The following KATNBL1 variants were observed in gnomAD, a reference collection of about 807,000 sequenced individuals.
KATNBL1 encodes the protein KATNB1-like protein 1.
A neutral mutation model predicts 44.7 loss-of-function variants in KATNBL1; 28 were observed. That is an observed-to-expected ratio of 0.63 (90% CI 0.46 to 0.86). The LOEUF (loss-of-function observed/expected upper bound fraction) is 0.86. KATNBL1 is among the 40% of genes least tolerant of loss of function. KATNBL1 has a pLI of 0.00. For missense variants in KATNBL1, 272 were observed against 350.7 expected (o/e 0.78, Z 1.79); for synonymous variants, 78 against 114.9 (o/e 0.68, Z 2.06).
At chr15:34,202,312 C>G (rs556284644) in intron 1 of KATNBL1, among the ~76,000 whole-genome samples, 4 of 152,280 alleles carry the variant, frequency 2.6e-5, no homozygotes, top group South Asian at 4.1e-4. Flanking sequence ...TGTCACCACC[C>G]TACGACACTT....
At position 34,142,213 on chromosome 15, in the gene KATNBL1, TAA is replaced by T; in HGVS notation, c.*124_*125del. ...TTAGTGGTTTCATTACGTGGCTTTT[TAA>T]AAGAAAAAATAGTTTTGATTTCTTC... On this transcript the variant is annotated 3_prime_UTR_variant, in exon 10 of 10. Coordinates refer to ENST00000256544, the MANE Select transcript of KATNBL1 (RefSeq NM_024713.3). 1 of 1,015,188 alleles carries T rather than the reference TAA, an allele frequency of 9.9e-7. No individual in the cohort carries two copies. The highest frequency in any genetic ancestry group is 1.3e-6 in the Non-Finnish European group (1 of 750,766). 62.9% of individuals were successfully genotyped at this position (1,015,188 alleles called of 1,614,324 possible).
At chr15:34,189,627 T>C (rs1489853400) in intron 1 of KATNBL1, among the ~76,000 whole-genome samples, 2 of 152,178 alleles carry the variant, frequency 1.3e-5, no homozygotes, top group African/African-American at 2.4e-5. Flanking sequence ...AAAACAAAAA[T>C]GTTTACTCTT....
chr15:34,190,183 A>T (rs1889833880), intron 1 of KATNBL1, among the ~76,000 whole-genome samples: 1 of 152,128 alleles, frequency 6.6e-6, no homozygotes, highest in Non-Finnish European at 1.5e-5. Flanking sequence ...TGACCTCGTG[A>T]TCCCCCAGCC....
intron 1 of KATNBL1, among the ~76,000 whole-genome samples, chr15:34,165,382 T>C (rs1332882952): frequency 2.6e-5 from 4 of 152,202 alleles, no homozygotes; most frequent in Non-Finnish European, 5.9e-5. Context: ...CAATTACCTC[T>C]ACCCTTCCTT....
chr15:34,142,228 TTTTGA>T lies in KATNBL1; in HGVS notation c.*106_*110del. On this transcript the variant is annotated 3_prime_UTR_variant, in exon 10 of 10. Coordinates refer to ENST00000256544, the MANE Select transcript of KATNBL1 (RefSeq NM_024713.3). ...CGTGGCTTTTTAAAAGAAAAAATAG[TTTTGA>T]TTTCTTCCACAGTTCACAGTTCTCA... 1 of 1,110,778 alleles carries T rather than the reference TTTTGA, an allele frequency of 9.0e-7. No individual in the cohort carries two copies. Among genetic ancestry groups the T allele is most frequent in the East Asian group, 2.9e-5 (1 of 34,798 alleles). The allele number at this position is 1,110,778 out of a possible 1,614,324, so 68.8% of individuals were successfully genotyped here. A position where few individuals can be genotyped will look rare whatever the true frequency, so the allele number is the denominator to read the frequency against.
chr15:34,163,467 T>C, intron 2 of KATNBL1, 93 bp downstream of exon 2: 1 of 1,396,782 alleles, frequency 7.2e-7, no homozygotes, highest in Non-Finnish European at 9.7e-7. Context: ...GCAGAATTAT[T>C]ATCCTCCCAT....
At chr15:34,189,228 T>C (rs1490108464) in intron 1 of KATNBL1, among the ~76,000 whole-genome samples, 1 of 152,218 alleles carries the variant, frequency 6.6e-6, no homozygotes, top group African/African-American at 2.4e-5. Context: ...TTTGCCATGC[T>C]GGCCAGGCTG....
intron 1 of KATNBL1, among the ~76,000 whole-genome samples, chr15:34,205,967 G>C (rs76199293): frequency 0.026 from 3,910 of 152,124 alleles, 176 homozygotes; most frequent in African/African-American, 0.09. Flanking sequence ...AGATGTAAAA[G>C]ACTATCCAGA....
chr15:34,152,835 T>C lies in KATNBL1; in HGVS notation c.393A>G (p.Ser131=). ...ATTTTGATGATGGGCTTTCTGTCTG[T>C]GAAGAACCAGAATCACTGGAGTTAA... The part of the protein sequence containing the change: ...YLVNSSDSGS[S]QTESPSSKYS... Residue 131 remains serine (S), a synonymous_variant, in exon 4 of 10, where the codon TCA becomes TCG. Coordinates refer to ENST00000256544, the MANE Select transcript of KATNBL1 (RefSeq NM_024713.3). 6.2e-7 allele frequency: 1 copy of C among 1,613,780 alleles called. No individual in the cohort carries two copies. The highest frequency in any genetic ancestry group is 8.5e-7 in the Non-Finnish European group (1 of 1,179,766).
chr15:34,180,534 T>G (rs1024393902), intron 1 of KATNBL1, among the ~76,000 whole-genome samples: 2 of 152,236 alleles, frequency 1.3e-5, no homozygotes, highest in Admixed American at 6.5e-5. Context: ...TATGCTTTCA[T>G]GGCTTCAGTT....
intron 2 of KATNBL1, among the ~76,000 whole-genome samples, chr15:34,162,331 C>G (rs1298873210): frequency 2.0e-5 from 3 of 152,068 alleles, no homozygotes; most frequent in African/African-American, 7.2e-5. Context: ...AGGGGAAACC[C>G]CTTTCAATTG....
intron 1 of KATNBL1, among the ~76,000 whole-genome samples, chr15:34,166,883 G>A (rs976151074): frequency 2.0e-5 from 3 of 152,188 alleles, no homozygotes; most frequent in African/African-American, 7.2e-5. Flanking sequence ...CTAACAAACA[G>A]AAAGGAATAG....
At chr15:34,166,987 G>A (rs1337552130) in intron 1 of KATNBL1, among the ~76,000 whole-genome samples, 1 of 152,188 alleles carries the variant, frequency 6.6e-6, no homozygotes, top group African/African-American at 2.4e-5. Flanking sequence ...CAAAGATGGG[G>A]AGAAACCAGA....
chr15:34,168,487 A>G (rs1458009190), intron 1 of KATNBL1, among the ~76,000 whole-genome samples: 1 of 152,098 alleles, frequency 6.6e-6, no homozygotes, highest in Non-Finnish European at 1.5e-5. Flanking sequence ...CACAATAACA[A>G]TGGGAAACTT....
chr15:34,197,600 G>GA (rs2140996326), intron 1 of KATNBL1, among the ~76,000 whole-genome samples: 2 of 152,286 alleles, frequency 1.3e-5, no homozygotes, highest in Admixed American at 1.3e-4. Flanking sequence ...AGAAAAGAAT[G>GA]AAAGGATAAG....
chr15:34,148,248 C>T (rs1888367208), intron 5 of KATNBL1: 1 of 153,322 alleles, frequency 6.5e-6, no homozygotes, highest in South Asian at 2.0e-4. Flanking sequence ...TTTGTTCAAT[C>T]TGATAAAACA....
intron 1 of KATNBL1, among the ~76,000 whole-genome samples, chr15:34,179,878 G>A (rs1293270733): frequency 1.3e-5 from 2 of 152,120 alleles, no homozygotes; most frequent in Admixed American, 1.3e-4. Flanking sequence ...AACTTAATGA[G>A]ATCACTATCT....
intron 1 of KATNBL1, among the ~76,000 whole-genome samples, chr15:34,200,321 C>T (rs1890146398): frequency 6.6e-6 from 1 of 151,904 alleles, no homozygotes; most frequent in Non-Finnish European, 1.5e-5. Context: ...GGCGCCATCT[C>T]GGCTCACTGC....
chr15:34,162,763 C>A (rs1056942113), intron 2 of KATNBL1, among the ~76,000 whole-genome samples: 1 of 152,060 alleles, frequency 6.6e-6, no homozygotes, highest in Admixed American at 6.6e-5. Context: ...GTGCATGCCA[C>A]CATGCCTGGC....
Sources: gnomAD v4.1 joint callset for allele counts (sites outside exome capture counted in the v4.1 genomes callset) on GRCh38, gnomAD v4.1.1 for gene constraint, MANE v1.5 for transcripts, NCBI Gene and HGNC (gene_info 2026-07-23, HGNC 2026-07-21) for gene names.